HHAT: variants seen among roughly 807,000 people sequenced by gnomAD.
HHAT encodes protein-cysteine N-palmitoyltransferase HHAT.
In HHAT, 47 loss-of-function variants were observed where a neutral mutation model predicts 70.8. The observed-to-expected ratio is 0.66, with a 90% confidence interval of 0.53 to 0.85. The LOEUF (loss-of-function observed/expected upper bound fraction) is 0.85. Among genes scored for constraint, HHAT ranks in the 40% least tolerant of loss-of-function variants. The probability of loss-of-function intolerance (pLI) is 0.00; values close to 1 mark genes in which losing one functional copy is unlikely to be tolerated. For synonymous variants in HHAT, 228 were observed against 247.6 expected, an observed-to-expected ratio of 0.92 and a Z score of 0.74; for missense variants, 609 against 604.8, an observed-to-expected ratio of 1.01 and a Z score of -0.07.
At chr1:210,335,318 G>GGAAAA (rs1553311769) in intron 1 of HHAT, among the ~76,000 whole-genome samples, 1 of 145,700 alleles carries the variant, frequency 6.9e-6, no homozygotes, top group African/African-American at 2.5e-5. Context: ...CATTCATGAT[G>GGAAAA]AAAAAAAAAA....
intron 11 of HHAT, among the ~76,000 whole-genome samples, chr1:210,643,582 T>C (rs762197713): frequency 5.9e-5 from 9 of 152,210 alleles, no homozygotes; most frequent in Non-Finnish European, 8.8e-5. Flanking sequence ...TCATGTCAGT[T>C]GAAGTTGGAG....
intron 9 of HHAT, among the ~76,000 whole-genome samples, chr1:210,579,520 A>T (rs912131922): frequency 2.0e-5 from 3 of 151,702 alleles, no homozygotes; most frequent in Admixed American, 6.6e-5. Flanking sequence ...GCCATGATTT[A>T]AAAAAAATCT....
chr1:210,521,678 T>C (rs1428253574), intron 9 of HHAT, among the ~76,000 whole-genome samples: 1 of 152,212 alleles, frequency 6.6e-6, no homozygotes, highest in Admixed American at 6.5e-5. Context: ...AAATCTGCCT[T>C]GCCTCTTTAA....
chr1:210,378,890 T>A (rs2090427741), intron 3 of HHAT, among the ~76,000 whole-genome samples: 2 of 152,256 alleles, frequency 1.3e-5, no homozygotes, highest in Admixed American at 6.5e-5. Context: ...GCTTTTGTTA[T>A]AAAGCTGGAG....
chr1:210,632,370 GA>G (rs1416539776), intron 11 of HHAT, among the ~76,000 whole-genome samples: 1 of 152,194 alleles, frequency 6.6e-6, no homozygotes, highest in Non-Finnish European at 1.5e-5. Flanking sequence ...ATAGGCAAAA[GA>G]AAGAGAAAAG....
intron 8 of HHAT, among the ~76,000 whole-genome samples, chr1:210,499,110 G>A (rs1178521604): frequency 3.3e-5 from 5 of 151,986 alleles, no homozygotes; most frequent in South Asian, 4.2e-4. Flanking sequence ...TCTGCTGTGC[G>A]AATCAGCCTA....
At chr1:210,452,177 C>T (rs2093769008) in intron 7 of HHAT, among the ~76,000 whole-genome samples, 2 of 152,200 alleles carry the variant, frequency 1.3e-5, no homozygotes, top group African/African-American at 4.8e-5. Context: ...TATTCTGATC[C>T]TTGGCATTCT....
At chr1:210,588,127 G>C (rs371085343) in intron 10 of HHAT, 28 bp downstream of exon 10, 1 of 1,545,982 alleles carries the variant, frequency 6.5e-7, no homozygotes, top group African/African-American at 1.4e-5. Flanking sequence ...TGCTGTGTTA[G>C]GGGACAGTGG....
chr1:210,616,746 T>G lies in HHAT; in HGVS notation c.1246-6780T>G, dbSNP rs939197039. ...TTCAATTAGAGAAACGTATGTGAATTCTTGCACTGCACTTATCGGTATATA... is the reference window on the plus strand; with the variant it reads ...TTCAATTAGAGAAACGTATGTGAATGCTTGCACTGCACTTATCGGTATATA... On this transcript the variant is annotated intron_variant, in intron 10 of 11. Coordinates refer to ENST00000261458, the MANE Select transcript of HHAT (RefSeq NM_018194.6). Among the ~76,000 whole-genome samples, 6 of 152,252 alleles carry G rather than the reference T, an allele frequency of 3.9e-5. No homozygotes were observed. In the East Asian group the frequency reaches 1.2e-3, roughly 29 times the overall value.
chr1:210,543,053 A>G (rs2095446509), intron 9 of HHAT, among the ~76,000 whole-genome samples: 1 of 152,178 alleles, frequency 6.6e-6, no homozygotes, highest in Non-Finnish European at 1.5e-5. Flanking sequence ...ACAGTTAAGC[A>G]AAGCTTTTGA....
chr1:210,575,142 T>C (rs1657358943), intron 9 of HHAT, among the ~76,000 whole-genome samples: 1 of 152,140 alleles, frequency 6.6e-6, no homozygotes, highest in South Asian at 2.1e-4. Context: ...TTCCCCTACC[T>C]CTTCTCCTCC....
rs187737114 is a variant in HHAT at position 210,548,737 on chromosome 1, A to G, written c.1043+35549A>G. Among the ~76,000 whole-genome samples the G allele has an allele frequency of 4.6e-5, 7 of 152,362 alleles. No homozygotes were observed. The East Asian group carries it at 1.3e-3, about 29-fold the overall frequency. Reference sequence around the variant, plus strand: ...CTGGACTTGTTAATGGTATTAATTGAAAATTACAGAAGCATATGGAATTCC... The same window carrying G: ...CTGGACTTGTTAATGGTATTAATTGGAAATTACAGAAGCATATGGAATTCC... On this transcript the variant is annotated intron_variant, in intron 9 of 11. Transcript: ENST00000261458.
intron 9 of HHAT, among the ~76,000 whole-genome samples, chr1:210,523,686 T>G (rs900848937): frequency 6.6e-6 from 1 of 152,240 alleles, no homozygotes; most frequent in African/African-American, 2.4e-5. Flanking sequence ...CATCTGGATC[T>G]TCTGCGTAGT....
chr1:210,520,640 A>T (rs1354303440), intron 9 of HHAT, among the ~76,000 whole-genome samples: 1 of 152,200 alleles, frequency 6.6e-6, no homozygotes, highest in Non-Finnish European at 1.5e-5. Context: ...GGAGTACCTG[A>T]TACCATCCTC....
chr1:210,513,061 A>G, intron 8 of HHAT, 92 bp from the exon 9 acceptor site: 1 of 766,552 alleles, frequency 1.3e-6, no homozygotes, highest in Middle Eastern at 2.6e-4. Context: ...ATTTAGTCAT[A>G]CTATGAATTT....
At chr1:210,411,501 C>T (rs1395011824) in intron 6 of HHAT, among the ~76,000 whole-genome samples, 2 of 152,146 alleles carry the variant, frequency 1.3e-5, no homozygotes, top group Non-Finnish European at 1.5e-5. Flanking sequence ...CACCTGTAAT[C>T]CCAGTGCTTT....
At chr1:210,340,446 T>C (rs1471227670) in intron 1 of HHAT, among the ~76,000 whole-genome samples, 2 of 152,160 alleles carry the variant, frequency 1.3e-5, no homozygotes, top group African/African-American at 2.4e-5. Flanking sequence ...ATTGCACTAC[T>C]ATTTCATTTT....
chr1:210,491,829 C>G (rs1259268296), intron 8 of HHAT, among the ~76,000 whole-genome samples: 1 of 152,136 alleles, frequency 6.6e-6, no homozygotes, highest in African/African-American at 2.4e-5. Flanking sequence ...GTGGCCCGAT[C>G]TCAGCTCACT....
At chr1:210,543,080 C>G (rs1019665076) in intron 9 of HHAT, among the ~76,000 whole-genome samples, 2 of 151,940 alleles carry the variant, frequency 1.3e-5, no homozygotes, top group African/African-American at 2.4e-5. Flanking sequence ...TTTTCTGAAG[C>G]CTTTATGGAA....
Sources: gnomAD v4.1 joint callset for allele counts (sites outside exome capture counted in the v4.1 genomes callset) on GRCh38, gnomAD v4.1.1 for gene constraint, MANE v1.5 for transcripts, NCBI Gene and HGNC (gene_info 2026-07-23, HGNC 2026-07-21) for gene names.